The following RAD51B variants were observed in gnomAD, a reference collection of about 807,000 sequenced individuals.
The protein encoded by RAD51B is RAD51 paralog B, also known as DNA repair protein RAD51 homolog 2.
RAD51B carries 38 observed loss-of-function variants against 42.2 expected under a neutral mutation model. The ratio of observed to expected loss-of-function variants is 0.90; its 90% confidence interval spans 0.70 to 1.18. RAD51B has a LOEUF of 1.18. RAD51B is among the 50% of genes most tolerant of loss of function. The probability of loss-of-function intolerance (pLI) is 0.00; values close to 1 mark genes in which losing one functional copy is unlikely to be tolerated. For synonymous variants in RAD51B, 154 were observed against 145.2 expected (o/e 1.06, Z -0.43); for missense variants, 373 against 400.7 (o/e 0.93, Z 0.59).
At chr14:68,115,834 C>G (rs2077537577) in intron 7 of RAD51B, among the ~76,000 whole-genome samples, 1 of 152,152 alleles carries the variant, frequency 6.6e-6, no homozygotes. Context: ...CTCTGTGCAT[C>G]ACAGAGTGGG....
intron 11 of RAD51B, among the ~76,000 whole-genome samples, chr14:68,652,465 A>ACCT (rs1892722322): frequency 6.6e-6 from 1 of 152,192 alleles, no homozygotes; most frequent in Admixed American, 6.5e-5. Flanking sequence ...TAGCTGTGGG[A>ACCT]AAGGGATCCC....
chr14:68,128,623 C>T (rs897905815), intron 7 of RAD51B, among the ~76,000 whole-genome samples: 2 of 152,110 alleles, frequency 1.3e-5, no homozygotes, highest in Non-Finnish European at 2.9e-5. Context: ...ACCCGGGAGG[C>T]AGAGGTTGCA....
intron 7 of RAD51B, among the ~76,000 whole-genome samples, chr14:68,012,324 A>G (rs1385040209): frequency 6.6e-6 from 1 of 152,148 alleles, no homozygotes; most frequent in Non-Finnish European, 1.5e-5. Context: ...ATGGTCTGTC[A>G]GGCAAACTGT....
chr14:68,639,726 A>G (rs1426474909), intron 10 of RAD51B, among the ~76,000 whole-genome samples: 1 of 152,168 alleles, frequency 6.6e-6, no homozygotes, highest in Non-Finnish European at 1.5e-5. Flanking sequence ...TTTGGCTGCC[A>G]TAAGGCCTGT....
intron 7 of RAD51B, among the ~76,000 whole-genome samples, chr14:68,139,232 T>TA (rs570687198): frequency 6.6e-4 from 101 of 151,886 alleles, no homozygotes; most frequent in African/African-American, 2.3e-3. Flanking sequence ...CATTTATTAC[T>TA]AAAATTTCAA....
intron 7 of RAD51B, among the ~76,000 whole-genome samples, chr14:67,981,795 A>G (rs1384812487): frequency 6.6e-6 from 1 of 152,206 alleles, no homozygotes; most frequent in Non-Finnish European, 1.5e-5. Context: ...GGTTACCTAG[A>G]GATGGGGAAT....
chr14:67,850,468 C>G (rs2041768185), intron 4 of RAD51B, among the ~76,000 whole-genome samples: 1 of 152,002 alleles, frequency 6.6e-6, no homozygotes, highest in Admixed American at 6.6e-5. Flanking sequence ...GTTCTGGCAG[C>G]AGGTTGTATA....
intron 7 of RAD51B, among the ~76,000 whole-genome samples, chr14:68,048,095 T>C (rs1194996404): frequency 6.6e-6 from 1 of 152,204 alleles, no homozygotes. Flanking sequence ...TTACAGTATT[T>C]AGATAGCTAC....
intron 7 of RAD51B, among the ~76,000 whole-genome samples, chr14:68,264,835 C>T (rs901222959): frequency 6.6e-5 from 10 of 152,072 alleles, no homozygotes; most frequent in African/African-American, 2.2e-4. Flanking sequence ...CCTTCTTTAC[C>T]GTTTCTCGTC....
At chr14:68,449,244 C>G (rs2085496662) in intron 9 of RAD51B, among the ~76,000 whole-genome samples, 1 of 152,084 alleles carries the variant, frequency 6.6e-6, no homozygotes, top group Admixed American at 6.5e-5. Context: ...TGTTTCAAAC[C>G]AAAGAGGTAG....
intron 7 of RAD51B, among the ~76,000 whole-genome samples, chr14:68,172,645 A>G (rs2140860964): frequency 6.6e-6 from 1 of 151,528 alleles, no homozygotes; most frequent in African/African-American, 2.4e-5. Flanking sequence ...CTTCAAGTGG[A>G]AAAAAAAAGC....
At chr14:68,432,434 C>T (rs920608641) in intron 9 of RAD51B, among the ~76,000 whole-genome samples, 3 of 152,164 alleles carry the variant, frequency 2.0e-5, no homozygotes, top group African/African-American at 7.2e-5. Context: ...TCTGGGTGCT[C>T]CTGTATTGGG....
At chr14:68,272,422 T>C (rs774513286) in intron 7 of RAD51B, among the ~76,000 whole-genome samples, 129 of 151,924 alleles carry the variant, frequency 8.5e-4, no homozygotes, top group Non-Finnish European at 1.4e-3. Flanking sequence ...CCTGACCAAA[T>C]TATTCAATGT....
intron 7 of RAD51B, chr14:68,069,519 T>A (rs918169395): frequency 1.3e-5 from 2 of 152,156 alleles, no homozygotes; most frequent in African/African-American, 4.8e-5. Flanking sequence ...CCCCCACTTA[T>A]AAGTGAGAAC....
At chr14:67,832,451 T>C (rs966745578) in intron 3 of RAD51B, among the ~76,000 whole-genome samples, 12 of 138,812 alleles carry the variant, frequency 8.6e-5, no homozygotes, top group African/African-American at 3.2e-4. Context: ...TACTGTTCTG[T>C]TTTCTTTAAC....
chr14:68,672,488 C>G (rs1463461547), intron 11 of RAD51B, among the ~76,000 whole-genome samples: 1 of 152,224 alleles, frequency 6.6e-6, no homozygotes, highest in East Asian at 1.9e-4. Flanking sequence ...ATGAACTCAT[C>G]TTGGCCAGAG....
chr14:68,584,705 T>A (rs1890372854), intron 10 of RAD51B, among the ~76,000 whole-genome samples: 1 of 152,230 alleles, frequency 6.6e-6, no homozygotes, highest in Non-Finnish European at 1.5e-5. Flanking sequence ...TTCCATCGAT[T>A]CTTCCCCTGC....
chr14:68,313,964 C>T (rs1399289315), intron 8 of RAD51B, among the ~76,000 whole-genome samples: 2 of 152,174 alleles, frequency 1.3e-5, no homozygotes, highest in African/African-American at 4.8e-5. Flanking sequence ...GCCATAGCCT[C>T]TCTAGGCCTG....
At chr14:68,602,167 G>A (rs1009082059) in intron 10 of RAD51B, among the ~76,000 whole-genome samples, 1 of 151,888 alleles carries the variant, frequency 6.6e-6, no homozygotes, top group Non-Finnish European at 1.5e-5. Flanking sequence ...TCCGTGGGCC[G>A]CTCCAGCTCT....
Sources: gnomAD v4.1 joint callset for allele counts (sites outside exome capture counted in the v4.1 genomes callset) on GRCh38, gnomAD v4.1.1 for gene constraint, MANE v1.5 for transcripts, NCBI Gene and HGNC (gene_info 2026-07-23, HGNC 2026-07-21) for gene names.